The following RFC5 variants were observed in gnomAD, a reference collection of about 807,000 sequenced individuals.
RFC5 encodes replication factor C subunit 5, also known as A1 36 kDa subunit.
A neutral mutation model predicts 44.3 loss-of-function variants in RFC5; 26 were observed. That is an observed-to-expected ratio of 0.59 (90% CI 0.43 to 0.81). RFC5 has a LOEUF of 0.81. RFC5 is among the 40% of genes least tolerant of loss of function. The pLI, the probability that RFC5 is intolerant of heterozygous loss-of-function variation, is 0.00. For missense variants in RFC5, 328 were observed against 418.6 expected, an observed-to-expected ratio of 0.78 and a Z score of 1.89; for synonymous variants, 155 against 155.2, an observed-to-expected ratio of 1.00 and a Z score of 0.01.
chr12:118,034,107 C>A, downstream of RFC5: 1 of 1,531,188 alleles, frequency 6.5e-7, no homozygotes. Flanking sequence ...TATTTCAATG[C>A]AAGACCAGAT....
At chr12:118,033,384 A>T (rs1181956528), downstream of RFC5, 3 of 152,676 alleles carry the variant, frequency 2.0e-5, no homozygotes, top group African/African-American at 7.2e-5. Context: ...CGAGAAAAAC[A>T]CAGTTGTACC....
Position 118,024,957 on chromosome 12 carries a change from C to T in RFC5, c.528C>T (p.Pro176=). 2 of 1,614,098 alleles carry T rather than the reference C, an allele frequency of 1.2e-6. No homozygotes were observed. Among genetic ancestry groups the T allele is most frequent in the Non-Finnish European group, 1.7e-6 (2 of 1,180,000 alleles). Residue 176 remains proline, a synonymous_variant, in exon 6 of 11, where the codon CCC becomes CCT. Coordinates refer to ENST00000454402, the MANE Select transcript of RFC5 (RefSeq NM_007370.7). ...GCTGCACGAGGTTTCGGTTCGGTCC[C>T]CTGACTCCTGAACTCATGGTTCCCC... ...QSRCTRFRFG[P]LTPELMVPRL...
At chr12:118,024,770 A>G in intron 5 of RFC5, 81 bp from the exon 6 acceptor site, 1 of 1,223,284 alleles carries the variant, frequency 8.2e-7, no homozygotes, top group South Asian at 1.4e-5. Flanking sequence ...CCTTGTGACC[A>G]CAGAAAAATT....
chr12:118,033,642 C>T (rs2031429532), downstream of RFC5: 1 of 151,974 alleles, frequency 6.6e-6, no homozygotes, highest in Non-Finnish European at 1.5e-5. Flanking sequence ...ATTAATACCT[C>T]ATACCAAATG....
At chr12:118,035,602 T>C, downstream of RFC5, 1 of 367,712 alleles carries the variant, frequency 2.7e-6, no homozygotes, top group Non-Finnish European at 5.0e-6. Flanking sequence ...CAGTAGAAAC[T>C]GCAAGTCTTT....
chr12:118,041,054 AAAAC>A, the RFC5 span, among the ~76,000 whole-genome samples: 1 of 152,218 alleles, frequency 6.6e-6, no homozygotes, highest in African/African-American at 2.4e-5. Context: ...GTCTCAAGAA[AAAAC>A]AAACAAACCA....
chr12:118,040,489 GGTACCTCATACCT>G, the RFC5 span, among the ~76,000 whole-genome samples: 4 of 152,076 alleles, frequency 2.6e-5, no homozygotes, highest in African/African-American at 9.7e-5. Context: ...AGCCGAGCGT[GGTACCTCATACCT>G]GTAATCCCAG....
At chr12:118,021,130 C>A in intron 4 of RFC5, 145 bp downstream of exon 4, 4 of 566,538 alleles carry the variant, frequency 7.1e-6, no homozygotes, top group South Asian at 4.5e-5. Flanking sequence ...AAGAGATAAA[C>A]GAGAGGGATG....
chr12:118,039,492 C>T, the RFC5 span, among the ~76,000 whole-genome samples: 22 of 152,120 alleles, frequency 1.4e-4, no homozygotes, highest in Admixed American at 1.1e-3. Context: ...TGAATGCAAA[C>T]GTGTGTGCAC....
Position 118,019,059 on chromosome 12 carries a change from A to T in RFC5, c.66-13A>T. On this transcript the variant is annotated splice_polypyrimidine_tract_variant and intron_variant, in intron 1 of 10. Transcript: ENST00000454402. The surrounding 1 kb of genome is among the most constrained non-coding windows in gnomAD (Gnocchi z 4.2). ...TTTATATATGTCATAATACATACTA[A>T]ATTGTATTTCAGGGTTGAAAAATAC... 6.3e-7 allele frequency: 1 copy of T among 1,580,086 alleles called. No individual in the cohort carries two copies. Among genetic ancestry groups the T allele is most frequent in the Non-Finnish European group, 8.7e-7 (1 of 1,149,344 alleles).
At chr12:118,031,079 C>T in intron 10 of RFC5, 103 bp from the exon 11 acceptor site, 3 of 727,858 alleles carry the variant, frequency 4.1e-6, no homozygotes, top group Non-Finnish European at 7.2e-6. Context: ...AATTCCCATC[C>T]CCACTCCTTC....
chr12:118,019,367 C>G lies in RFC5; in HGVS notation c.130+231C>G, dbSNP rs2030328838. Among the ~76,000 whole-genome samples, 2 of 152,302 alleles carry G rather than the reference C, an allele frequency of 1.3e-5. No individual in the cohort carries two copies. Among genetic ancestry groups the G allele is most frequent in the South Asian group, 4.1e-4 (2 of 4,832 alleles). On this transcript the variant is annotated intron_variant, in intron 2 of 10. Transcript: ENST00000454402. The surrounding 1 kb of genome is among the most constrained non-coding windows in gnomAD (Gnocchi z 4.2). ...GAGTAAAAATAGCATTACGGAGAAT[C>G]ATTTAAGTTCACAGATGTTGCCAGC...
intron 5 of RFC5, 166 bp from the exon 6 acceptor site, chr12:118,024,685 A>G (rs1470160458): frequency 1.7e-6 from 1 of 593,720 alleles, no homozygotes; most frequent in East Asian, 3.0e-5. Flanking sequence ...TGCTGGGATT[A>G]CAGACGTGAG....
chr12:118,037,333 T>C (rs545924269), downstream of RFC5, among the ~76,000 whole-genome samples: 4 of 152,140 alleles, frequency 2.6e-5, no homozygotes, highest in African/African-American at 9.6e-5. Context: ...CTTTAAACCT[T>C]TGTGAGAAGC....
At chr12:118,025,460 C>G (rs972454717) in intron 6 of RFC5, 1 of 393,206 alleles carries the variant, frequency 2.5e-6, no homozygotes, top group Non-Finnish European at 4.6e-6. Flanking sequence ...TGCCAGGCCT[C>G]TGTCCTCCCC....
chr12:118,040,866 G>A, the RFC5 span, among the ~76,000 whole-genome samples: 1 of 152,126 alleles, frequency 6.6e-6, no homozygotes, highest in East Asian at 1.9e-4. Context: ...TGGCCAACGT[G>A]GTGAAACCCT....
At position 118,016,791 on chromosome 12, in the gene RFC5, C is replaced by T. The variant is rs182416845; in HGVS notation, c.-37C>T. 1.3e-6 allele frequency: 2 copies of T among 1,577,998 alleles called. No individual in the cohort carries two copies. The highest frequency in any genetic ancestry group is 1.8e-5 in the Admixed American group (1 of 56,752). ...CTGTGCAGGCGCTTGGGTGACGCGA[C>T]GATCTCAGCGGATCTGGTCACCTTC... On this transcript the variant is annotated 5_prime_UTR_variant, in exon 1 of 11. In the 5' UTR this introduces an upstream ATG that the reference lacks. Transcript: ENST00000454402.
chr12:118,023,285 T>G (rs545527262), intron 5 of RFC5, among the ~76,000 whole-genome samples: 1 of 151,560 alleles, frequency 6.6e-6, no homozygotes, highest in Non-Finnish European at 1.5e-5. Flanking sequence ...TAAAGGACAC[T>G]TGTCATCTCT....
At chr12:118,017,370 A>C (rs1180942602) in intron 1 of RFC5, among the ~76,000 whole-genome samples, 2 of 152,244 alleles carry the variant, frequency 1.3e-5, no homozygotes, top group Non-Finnish European at 2.9e-5. Context: ...CGTAGGAGGT[A>C]GGCACCGCTT....
Sources: gnomAD v4.1 joint callset for allele counts (sites outside exome capture counted in the v4.1 genomes callset) on GRCh38, gnomAD v4.1.1 for gene constraint, Gnocchi (gnomAD v3.1) non-coding constraint, MANE v1.5 for transcripts, NCBI Gene and HGNC (gene_info 2026-07-23, HGNC 2026-07-21) for gene names.